The following NR2C2 variants were observed in gnomAD, a reference collection of about 807,000 sequenced individuals.
The protein encoded by NR2C2 is nuclear receptor subfamily 2 group C member 2.
Under a neutral mutation model 62.9 loss-of-function variants are expected in NR2C2, and 6 were observed. That is an observed-to-expected ratio of 0.10 (90% confidence interval 0.05 to 0.19). The LOEUF (loss-of-function observed/expected upper bound fraction) is 0.19, where lower values mean the gene tolerates loss of function less well. Ranked by LOEUF, NR2C2 falls within the 10% of genes least tolerant of loss-of-function variation. The pLI, the probability that NR2C2 is intolerant of heterozygous loss-of-function variation, is 1.00. For synonymous variants in NR2C2, 272 were observed against 273.8 expected, an observed-to-expected ratio of 0.99 and a Z score of 0.07; for missense variants, 479 against 762.7, an observed-to-expected ratio of 0.63 and a Z score of 4.38.
chr3:14,999,927 C>T (rs2040941416), intron 1 of NR2C2, among the ~76,000 whole-genome samples: 1 of 152,046 alleles, frequency 6.6e-6, no homozygotes, highest in Admixed American at 6.6e-5. Context: ...CATATATTTA[C>T]AGTACAAAGT....
intron 1 of NR2C2, among the ~76,000 whole-genome samples, chr3:14,990,247 T>C (rs2040632078): frequency 6.6e-6 from 1 of 152,220 alleles, no homozygotes; most frequent in Non-Finnish European, 1.5e-5. Context: ...GACTCCATGG[T>C]AACATTCTTG....
chr3:14,972,990 G>C (rs143300101), intron 1 of NR2C2, among the ~76,000 whole-genome samples: 1 of 152,158 alleles, frequency 6.6e-6, no homozygotes, highest in Non-Finnish European at 1.5e-5. Flanking sequence ...CAGCACTGGG[G>C]ATTACAGTTT....
chr3:15,032,522 A>C (rs369859040), intron 10 of NR2C2, 22 bp downstream of exon 10: 3 of 1,614,158 alleles, frequency 1.9e-6, no homozygotes, highest in South Asian at 1.1e-5. Flanking sequence ...CTTGCTGTGC[A>C]TGTATCCTCG....
intron 11 of NR2C2, among the ~76,000 whole-genome samples, chr3:15,036,489 T>A (rs1275481567): frequency 6.6e-6 from 1 of 152,050 alleles, no homozygotes; most frequent in African/African-American, 2.4e-5. Flanking sequence ...TTTTTGTTGT[T>A]GTTGTTTTGT....
intron 6 of NR2C2, 138 bp from the exon 7 acceptor site, chr3:15,023,977 A>G (rs948270062): frequency 1.5e-6 from 1 of 653,968 alleles, no homozygotes; most frequent in Non-Finnish European, 2.7e-6. Context: ...CTGCTTAGTC[A>G]CTAAGCGGCT....
chr3:15,036,981 A>G lies in NR2C2; in HGVS notation c.1373-1019A>G, dbSNP rs575975207. On this transcript the variant is annotated intron_variant, in intron 11 of 13. Transcript: ENST00000425241. ...TACTAAAAATACAAAAATTAGCCTG[A>G]CATGGTGGTGAGTGCCTGTAATCCC... 3.3e-5 allele frequency among the ~76,000 whole-genome samples: 5 copies of G among 150,208 alleles called. No individual in the cohort carries two copies. The South Asian group carries it at 1.1e-3, about 32-fold the overall frequency.
At chr3:15,004,862 G>A (rs536510058) in intron 2 of NR2C2, among the ~76,000 whole-genome samples, 13 of 152,266 alleles carry the variant, frequency 8.5e-5, no homozygotes, top group East Asian at 3.9e-4. Context: ...CCAAAAGGTC[G>A]AGAAGCGATG....
At chr3:15,024,410 G>A (rs1488044325) in intron 7 of NR2C2, among the ~76,000 whole-genome samples, 1 of 152,208 alleles carries the variant, frequency 6.6e-6, no homozygotes, top group Non-Finnish European at 1.5e-5. Flanking sequence ...GAGCTGGCTG[G>A]TCATAATCAC....
intron 1 of NR2C2, among the ~76,000 whole-genome samples, chr3:14,989,462 CT>C (rs1426748914): frequency 6.6e-6 from 1 of 152,024 alleles, no homozygotes; most frequent in Non-Finnish European, 1.5e-5. Context: ...CTTGCCTACA[CT>C]TTAAGTGAAA....
At chr3:15,028,077 C>T (rs922796189) in intron 7 of NR2C2, among the ~76,000 whole-genome samples, 7 of 152,180 alleles carry the variant, frequency 4.6e-5, no homozygotes, top group African/African-American at 1.4e-4. Flanking sequence ...CCAGGCTGGT[C>T]TTGAACCCCT....
At chr3:15,020,179 G>A (rs921354272) in intron 4 of NR2C2, among the ~76,000 whole-genome samples, 4 of 151,612 alleles carry the variant, frequency 2.6e-5, no homozygotes, top group African/African-American at 7.3e-5. Flanking sequence ...ATCCTCTTTT[G>A]CTGTGGGCTT....
intron 4 of NR2C2, among the ~76,000 whole-genome samples, chr3:15,020,505 T>C (rs993000660): frequency 1.3e-5 from 2 of 152,202 alleles, no homozygotes; most frequent in Non-Finnish European, 2.9e-5. Context: ...ATCTGCCAGC[T>C]GTCATATAAC....
At chr3:14,995,529 C>A (rs111383476) in intron 1 of NR2C2, among the ~76,000 whole-genome samples, 3 of 152,208 alleles carry the variant, frequency 2.0e-5, no homozygotes, top group African/African-American at 7.2e-5. Flanking sequence ...TCATTATTGC[C>A]AAATAATATG....
At chr3:15,030,027 A>G (rs973748369) in intron 8 of NR2C2, among the ~76,000 whole-genome samples, 3 of 152,068 alleles carry the variant, frequency 2.0e-5, no homozygotes, top group African/African-American at 7.2e-5. Flanking sequence ...GATAATACAT[A>G]CAAGTTTTCA....
In NR2C2 at chr3:15,047,749, T is replaced by A. The variant is rs1391062605; in HGVS notation, c.*4741T>A. ...ATTATTCTTTAAAACTAAGCATGGA[T>A]GTTGATGGCTAACTTCTGCGGCATA... On this transcript the variant is annotated 3_prime_UTR_variant, in exon 14 of 14. Coordinates refer to ENST00000425241, the MANE Select transcript of NR2C2 (RefSeq NM_001291694.2). 1 of 152,242 alleles carries A rather than the reference T, an allele frequency of 6.6e-6. No homozygotes were observed. The allele number at this position is 152,242 out of a possible 1,614,324, so 9.4% of individuals were successfully genotyped here. A position where few individuals can be genotyped will look rare whatever the true frequency, so the allele number is the denominator to read the frequency against.
At chr3:14,962,122 A>G (rs2039704729) in intron 1 of NR2C2, among the ~76,000 whole-genome samples, 1 of 152,226 alleles carries the variant, frequency 6.6e-6, no homozygotes. Context: ...GAGGTAAACC[A>G]AGCTGTTACA....
At chr3:15,015,069 G>A (rs2124993623) in intron 3 of NR2C2, among the ~76,000 whole-genome samples, 1 of 152,304 alleles carries the variant, frequency 6.6e-6, no homozygotes, top group African/African-American at 2.4e-5. Flanking sequence ...ACTAAATGCT[G>A]TCTCATCCTT....
In NR2C2 at chr3:14,961,544, T is replaced by A. The variant is rs558566371; in HGVS notation, c.-40+13638T>A. 1.1e-4 allele frequency among the ~76,000 whole-genome samples: 16 copies of A among 152,322 alleles called. No homozygotes were observed. In the South Asian group the frequency reaches 3.3e-3, roughly 32 times the overall value. On this transcript the variant is annotated intron_variant, in intron 1 of 13. Transcript: ENST00000425241. ...ATAGTGAATGTCCAGAAATTGGGTC[T>A]AGATTATACTGAATTCTTTGTGGTA...
intron 5 of NR2C2, among the ~76,000 whole-genome samples, chr3:15,021,705 G>A (rs1463552122): frequency 6.6e-6 from 1 of 152,204 alleles, no homozygotes; most frequent in South Asian, 2.1e-4. Context: ...AAGGCTGGTG[G>A]CCGAGGACCC....
Sources: gnomAD v4.1 joint callset for allele counts (sites outside exome capture counted in the v4.1 genomes callset) on GRCh38, gnomAD v4.1.1 for gene constraint, MANE v1.5 for transcripts, NCBI Gene and HGNC (gene_info 2026-07-23, HGNC 2026-07-21) for gene names.